IGSF10: variants seen among roughly 807,000 people sequenced by gnomAD.
IGSF10 encodes calvaria mechanical force protein 608.
Under a neutral mutation model 128.2 loss-of-function variants are expected in IGSF10, and 126 were observed. The ratio of observed to expected loss-of-function variants is 0.98; its 90% CI spans 0.85 to 1.14. The LOEUF is 1.14. IGSF10 is among the 50% of genes most tolerant of loss of function. The pLI, the probability that IGSF10 is intolerant of heterozygous loss-of-function variation, is 0.00. For synonymous variants in IGSF10, 1,185 were observed against 1,146.2 expected (o/e 1.03, Z -0.68); for missense variants, 3,295 against 3,149.8 (o/e 1.05, Z -1.10).
At chr3:151,599,254 C>T in the IGSF10 span, among the ~76,000 whole-genome samples, 1 of 151,108 alleles carries the variant, frequency 6.6e-6, no homozygotes, top group Admixed American at 6.6e-5. Flanking sequence ...GCCTGTGCGT[C>T]TGGGGTGGGC....
At chr3:151,572,913 T>C in the IGSF10 span, among the ~76,000 whole-genome samples, 1 of 152,198 alleles carries the variant, frequency 6.6e-6, no homozygotes, top group East Asian at 1.9e-4. Context: ...GATTCTGGTA[T>C]GTTGTGTCGT....
the IGSF10 span, among the ~76,000 whole-genome samples, chr3:151,505,757 A>G: frequency 4.3e-4 from 66 of 152,276 alleles, no homozygotes; most frequent in African/African-American, 1.1e-3. Context: ...GTTTCTATAA[A>G]TTTTCCGCAT....
chr3:151,453,067 C>A (rs1348055137), intron 5 of IGSF10, among the ~76,000 whole-genome samples: 1 of 151,960 alleles, frequency 6.6e-6, no homozygotes, highest in Non-Finnish European at 1.5e-5. Context: ...GATAGGCCAG[C>A]ACCACACTAT....
chr3:151,466,728 G>GC, the IGSF10 span, among the ~76,000 whole-genome samples: 1 of 152,072 alleles, frequency 6.6e-6, no homozygotes, highest in Non-Finnish European at 1.5e-5. Context: ...ACAGGCACCT[G>GC]CCACCATGCC....
chr3:151,519,825 C>T, the IGSF10 span, among the ~76,000 whole-genome samples: 1 of 151,734 alleles, frequency 6.6e-6, no homozygotes, highest in Non-Finnish European at 1.5e-5. Context: ...GGCCTGTAGG[C>T]TACTATGTGC....
the IGSF10 span, among the ~76,000 whole-genome samples, chr3:151,553,643 T>C: frequency 2.0e-5 from 3 of 151,460 alleles, no homozygotes; most frequent in Non-Finnish European, 4.4e-5. Context: ...TCTATATATA[T>C]ACAATATATA....
chr3:151,575,068 T>C, the IGSF10 span, among the ~76,000 whole-genome samples: 1 of 152,182 alleles, frequency 6.6e-6, no homozygotes, highest in Non-Finnish European at 1.5e-5. Flanking sequence ...ACAGCAGATA[T>C]TGCAGAAAAG....
At chr3:151,451,987 T>C (rs550665501) in intron 5 of IGSF10, among the ~76,000 whole-genome samples, 3 of 152,312 alleles carry the variant, frequency 2.0e-5, no homozygotes, top group African/African-American at 7.2e-5. Flanking sequence ...CTGAGATCAG[T>C]GCAAAAGGAT....
chr3:151,515,470 G>A, the IGSF10 span, among the ~76,000 whole-genome samples: 4 of 117,964 alleles, frequency 3.4e-5, no homozygotes, highest in Non-Finnish European at 6.8e-5. Context: ...GGACTGTTGT[G>A]GGGTGGGGGG....
chr3:151,556,539 C>CA, the IGSF10 span, among the ~76,000 whole-genome samples: 1 of 151,598 alleles, frequency 6.6e-6, no homozygotes, highest in Non-Finnish European at 1.5e-5. Context: ...AAACAGTAGC[C>CA]AAATTTGTTA....
At chr3:151,602,786 T>C in the IGSF10 span, among the ~76,000 whole-genome samples, 2 of 152,190 alleles carry the variant, frequency 1.3e-5, no homozygotes, top group African/African-American at 2.4e-5. Flanking sequence ...CTGAACATTA[T>C]TGGGACAAGA....
the IGSF10 span, among the ~76,000 whole-genome samples, chr3:151,490,755 A>C: frequency 6.6e-6 from 1 of 152,194 alleles, no homozygotes; most frequent in Non-Finnish European, 1.5e-5. Flanking sequence ...TGTAGAGATT[A>C]AACAACATGC....
Position 151,437,069 on chromosome 3 carries a change from C to T in IGSF10, c.7492G>A (p.Ala2498Thr), listed in dbSNP as rs200611770. Residue 2498 changes from alanine to threonine, a missense_variant, in exon 8 of 8, where the codon GCT (alanine) becomes ACT (threonine). Coordinates refer to ENST00000282466, the MANE Select transcript of IGSF10 (RefSeq NM_178822.5). ...CAGATATAGTTTCCTCTGTCATAAGCTGTTGCTTCTTTAATGACTAAGGTG... is the reference window on the plus strand; with the variant it reads ...CAGATATAGTTTCCTCTGTCATAAGTTGTTGCTTCTTTAATGACTAAGGTG... The part of the protein sequence containing the change: ...NGTLVIKEAT[A>T]YDRGNYICKA... 8.1e-6 allele frequency: 13 copies of T among 1,614,062 alleles called. No homozygotes were observed. Among genetic ancestry groups the T allele is most frequent in the African/African-American group, 1.3e-5 (1 of 74,930 alleles).
the IGSF10 span, among the ~76,000 whole-genome samples, chr3:151,556,398 A>T: frequency 1.9e-3 from 283 of 152,234 alleles, 1 homozygote; most frequent in African/African-American, 6.6e-3. Flanking sequence ...TTGCTCTCTC[A>T]TGGGAGTTTT....
At chr3:151,527,585 C>G in the IGSF10 span, among the ~76,000 whole-genome samples, 1 of 151,970 alleles carries the variant, frequency 6.6e-6, no homozygotes, top group African/African-American at 2.4e-5. Flanking sequence ...GTATTAATTG[C>G]CCAGAAGATA....
chr3:151,442,075 T>C (rs1720890947), intron 7 of IGSF10, among the ~76,000 whole-genome samples: 1 of 152,124 alleles, frequency 6.6e-6, no homozygotes, highest in African/African-American at 2.4e-5. Flanking sequence ...AATATATATA[T>C]TCATATGCCT....
the IGSF10 span, among the ~76,000 whole-genome samples, chr3:151,533,723 C>T: frequency 1.3e-5 from 2 of 152,156 alleles, no homozygotes; most frequent in African/African-American, 2.4e-5. Flanking sequence ...TTAGGCAATA[C>T]CATTCAGGAC....
chr3:151,437,153 T>G lies in IGSF10; in HGVS notation c.7408A>C (p.Ser2470Arg), dbSNP rs1271411098. 1 of 1,614,194 alleles carries G rather than the reference T, an allele frequency of 6.2e-7. No homozygotes were observed. Among genetic ancestry groups the G allele is most frequent in the Admixed American group, 1.7e-5 (1 of 60,020 alleles). Residue 2470 changes from serine to arginine, a missense_variant, in exon 8 of 8, where the codon AGT (serine) becomes CGT (arginine). Coordinates refer to ENST00000282466, the MANE Select transcript of IGSF10 (RefSeq NM_178822.5). ...PKPNIKWTMPSGYVVDRPQIN... is the reference protein window; with the variant it reads ...PKPNIKWTMPRGYVVDRPQIN... ...TGAGGCCTGTCTACTACATAACCAC[T>G]TGGCATAGTCCATTTGATATTTGGC...
chr3:151,457,064 T>C lies in IGSF10; in HGVS notation c.286A>G (p.Ile96Val), dbSNP rs151292956. 23 of 1,614,082 alleles carry C rather than the reference T, an allele frequency of 1.4e-5. No individual in the cohort carries two copies. The highest frequency in any genetic ancestry group is 1.7e-5 in the Non-Finnish European group (20 of 1,180,034). ...AAATCTGAGAAGGTCTTGTCAGGGATTGTGTGAATGCCATTGCTGTGAAGC... is the reference window on the plus strand; with the variant it reads ...AAATCTGAGAAGGTCTTGTCAGGGACTGTGTGAATGCCATTGCTGTGAAGC... Reference protein sequence around the residue: ...LMLHSNGIHTIPDKTFSDLQA... With the variant: ...LMLHSNGIHTVPDKTFSDLQA... Residue 96 changes from isoleucine (I) to valine (V), a missense_variant, in exon 4 of 8, where the codon ATC becomes GTC. Physicochemically the swap from Ile to Val is conservative, Grantham distance 29. Transcript: ENST00000282466.
Sources: gnomAD v4.1 joint callset for allele counts (sites outside exome capture counted in the v4.1 genomes callset) on GRCh38, gnomAD v4.1.1 for gene constraint, MANE v1.5 for transcripts, NCBI Gene and HGNC (gene_info 2026-07-23, HGNC 2026-07-21) for gene names.